GK: variants seen among roughly 807,000 people sequenced by gnomAD.
GK encodes the protein glycerol kinase, also known as ATP:glycerol 3-phosphotransferase.
In GK, 9 loss-of-function variants were observed where a neutral mutation model predicts 56.4. The ratio of observed to expected loss-of-function variants is 0.16; its 90% CI spans 0.10 to 0.28. The LOEUF is 0.28. Among genes scored for constraint, GK ranks in the 10% least tolerant of loss-of-function variants. GK has a pLI of 1.00. For synonymous variants in GK, 104 were observed against 144.1 expected, an observed-to-expected ratio of 0.72 and a Z score of 1.99; for missense variants, 161 against 431.4, an observed-to-expected ratio of 0.37 and a Z score of 5.55.
chrX:30,715,144 A>G (rs1936548587), intron 13 of GK, among the ~76,000 whole-genome samples: 1 of 111,532 alleles, frequency 9.0e-6, no homozygotes, highest in African/African-American at 3.3e-5. Context: ...TTTTCTCCAT[A>G]CTCACCAATT....
intron 4 of GK, among the ~76,000 whole-genome samples, chrX:30,682,465 G>A (rs1934333296): frequency 1.8e-5 from 2 of 111,711 alleles, no homozygotes; most frequent in African/African-American, 6.5e-5. Context: ...AGGGAAATAG[G>A]AAAGGAGGAG....
intron 1 of GK, 53 bp downstream of exon 1, chrX:30,653,668 G>A (rs940051733): frequency 6.8e-6 from 7 of 1,025,606 alleles, no homozygotes; most frequent in Middle Eastern, 2.5e-4. Context: ...GGAGTCGGGG[G>A]ACGGAGGGGG....
At chrX:30,653,875 ACT>A (rs1233772327) in intron 1 of GK, among the ~76,000 whole-genome samples, 5 of 111,222 alleles carry the variant, frequency 4.5e-5, no homozygotes, top group Non-Finnish European at 9.5e-5. Context: ...TAATGGGGTG[ACT>A]CTTCCCCCAA....
intron 13 of GK, among the ~76,000 whole-genome samples, chrX:30,711,127 CT>C (rs67617418): frequency 3.1e-5 from 3 of 97,217 alleles, no homozygotes; most frequent in Non-Finnish European, 4.1e-5. Context: ...TTTTCTTCTT[CT>C]TTTTTTTTTT....
At chrX:30,723,975 A>G in intron 18 of GK, 126 bp from the exon 19 acceptor site, 1 of 523,030 alleles carries the variant, frequency 1.9e-6, no homozygotes, top group Non-Finnish European at 3.4e-6. Flanking sequence ...GAGTCCTGCT[A>G]AAGCCCTACT....
intron 3 of GK, among the ~76,000 whole-genome samples, chrX:30,672,754 C>T (rs1481649213): frequency 9.0e-6 from 1 of 111,060 alleles, no homozygotes; most frequent in Non-Finnish European, 1.9e-5. Context: ...GCAGAGGTTG[C>T]GGTGAGCCGA....
intron 11 of GK, among the ~76,000 whole-genome samples, chrX:30,703,909 C>T (rs1400579344): frequency 1.9e-5 from 2 of 104,778 alleles, no homozygotes; most frequent in East Asian, 3.0e-4. Context: ...TGCAGTGAGC[C>T]GAGATTGCAT....
chrX:30,699,144 A>G (rs1384937522), intron 9 of GK, among the ~76,000 whole-genome samples: 1 of 103,246 alleles, frequency 9.7e-6, no homozygotes, highest in Admixed American at 1.1e-4. Flanking sequence ...TTTGGTGCTC[A>G]TCCTAGTACA....
intron 5 of GK, among the ~76,000 whole-genome samples, chrX:30,692,898 G>A (rs1303865757): frequency 9.1e-6 from 1 of 109,443 alleles, no homozygotes; most frequent in Non-Finnish European, 1.9e-5. Context: ...ATACTCATAT[G>A]AGATAGGAGG....
intron 1 of GK, among the ~76,000 whole-genome samples, chrX:30,665,071 C>T (rs115123710): frequency 0.038 from 4,253 of 111,588 alleles, 210 homozygotes; most frequent in African/African-American, 0.13. Context: ...CTACACAGTA[C>T]GTGTCTATGT....
intron 9 of GK, among the ~76,000 whole-genome samples, chrX:30,699,207 ATATATATACATGT>A (rs766117252): frequency 9.9e-6 from 1 of 101,126 alleles, no homozygotes; most frequent in Non-Finnish European, 2.0e-5. Context: ...TATATATGTT[ATATATATACATGT>A]TATATATACA....
intron 6 of GK, chrX:30,695,177 G>C (rs1250726470): frequency 1.1e-6 from 1 of 903,781 alleles, no homozygotes; most frequent in East Asian, 7.9e-5. Flanking sequence ...GAATGTCAAG[G>C]AAATATTGTC....
At chrX:30,685,889 A>G (rs1235715472) in intron 4 of GK, among the ~76,000 whole-genome samples, 8 of 99,944 alleles carry the variant, frequency 8.0e-5, no homozygotes, top group African/African-American at 3.0e-4. Context: ...TCAGTGAGTT[A>G]ATCCATGTAG....
chrX:30,698,862 A>G (rs1404756282), intron 9 of GK, among the ~76,000 whole-genome samples: 11 of 50,373 alleles, frequency 2.2e-4, no homozygotes, highest in Non-Finnish European at 3.7e-4. Flanking sequence ...GTGAAACTCC[A>G]TCTCAAAAAA....
intron 18 of GK, among the ~76,000 whole-genome samples, chrX:30,722,694 C>CTTA (rs891023241): frequency 1.8e-5 from 2 of 111,963 alleles, no homozygotes; most frequent in Non-Finnish European, 3.8e-5. Flanking sequence ...TTCTTATCTT[C>CTTA]TTTTGCCCTT....
At chrX:30,721,295 C>CA in intron 18 of GK, 1 of 224,639 alleles carries the variant, frequency 4.5e-6, no homozygotes, top group Non-Finnish European at 7.5e-6. Context: ...GTTAGAATAG[C>CA]CTTTTTTTTT....
chrX:30,702,388 A>T (rs914391706), intron 11 of GK, among the ~76,000 whole-genome samples: 2 of 112,734 alleles, frequency 1.8e-5, no homozygotes, highest in East Asian at 5.5e-4. Flanking sequence ...AATTATACGT[A>T]TTCATGAACA....
intron 11 of GK, among the ~76,000 whole-genome samples, chrX:30,705,246 G>T (rs1935935057): frequency 8.9e-6 from 1 of 112,546 alleles, no homozygotes; most frequent in Non-Finnish European, 1.9e-5. Flanking sequence ...GAAAATGACA[G>T]TCAGCTCAGA....
At chrX:30,655,828 C>A (rs556057212) in intron 1 of GK, among the ~76,000 whole-genome samples, 15 of 112,069 alleles carry the variant, frequency 1.3e-4, no homozygotes, top group African/African-American at 3.9e-4. Flanking sequence ...ACTTGATCAA[C>A]TTCATATTAC....
Sources: allele counts gnomAD v4.1 joint callset (sites outside exome capture counted in the v4.1 genomes callset), GRCh38; gene constraint gnomAD v4.1.1; transcripts MANE v1.5; gene names NCBI Gene and HGNC (gene_info 2026-07-23, HGNC 2026-07-21).